Variants in OR56A3 observed in about 807,000 individuals in gnomAD.
OR56A3 encodes the protein olfactory receptor 56A3.
In OR56A3, 23 loss-of-function variants were observed where a neutral mutation model predicts 17.5. The ratio of observed to expected loss-of-function variants is 1.32; its 90% confidence interval spans 0.95 to 1.87. The LOEUF (loss-of-function observed/expected upper bound fraction) is 1.87, where lower values mean the gene tolerates loss of function less well. OR56A3 is among the 40% of genes most tolerant of loss of function. The pLI is 0.00. For missense variants in OR56A3, 366 were observed against 380.1 expected, an observed-to-expected ratio of 0.96 and a Z score of 0.31; for synonymous variants, 175 against 150.6, an observed-to-expected ratio of 1.16 and a Z score of -1.19.
At chr11:5,979,012 C>G in the OR56A3 span, among the ~76,000 whole-genome samples, 2 of 151,822 alleles carry the variant, frequency 1.3e-5, no homozygotes, top group Non-Finnish European at 1.5e-5. Context: ...AGATGAACCC[C>G]ATTTATTGAT....
the OR56A3 span, among the ~76,000 whole-genome samples, chr11:6,004,718 G>C: frequency 6.6e-6 from 1 of 152,168 alleles, no homozygotes; most frequent in African/African-American, 2.4e-5. Context: ...ATGACCCTCA[G>C]TGTGAATTTG....
chr11:6,014,851 A>G, the OR56A3 span, among the ~76,000 whole-genome samples: 2 of 152,070 alleles, frequency 1.3e-5, no homozygotes, highest in African/African-American at 4.8e-5. Flanking sequence ...ACACCTTGGC[A>G]AAGAGCTTTG....
chr11:5,985,799 G>T, the OR56A3 span: 1 of 730,876 alleles, frequency 1.4e-6, no homozygotes, highest in Non-Finnish European at 2.2e-6. Context: ...ATCTGTGGGT[G>T]TTCTTTAGCA....
chr11:5,994,805 T>C, the OR56A3 span: 1 of 754,350 alleles, frequency 1.3e-6, no homozygotes, highest in Non-Finnish European at 2.4e-6. Context: ...CTGGGGTCCC[T>C]TCCTCTCCAG....
rs746643175 is a variant in OR56A3, at chr11:5,947,979, A to G, written c.633A>G (p.Leu211=). ...AATTTGCTGGAGGCTGGACTCTGCT[A>G]GGATCTGACCTCATCCTTATCTTCC... The part of the protein sequence containing the change: ...LYQFAGGWTL[L]GSDLILIFLS... Residue 211 remains leucine (L), a synonymous_variant, in exon 3 of 3, where the codon CTA becomes CTG. Coordinates refer to ENST00000641160, the MANE Select transcript of OR56A3 (RefSeq NM_001003443.3). 1.2e-6 allele frequency: 2 copies of G among 1,614,204 alleles called. No individual in the cohort carries two copies. Among genetic ancestry groups the G allele is most frequent in the Admixed American group, 3.3e-5 (2 of 60,030 alleles).
At chr11:6,002,818 G>T in the OR56A3 span, 3 of 1,613,820 alleles carry the variant, frequency 1.9e-6, no homozygotes, top group South Asian at 3.3e-5. Flanking sequence ...AGGGGCTGGT[G>T]CAGAGAGGCC....
At chr11:5,964,946 T>G in the OR56A3 span, among the ~76,000 whole-genome samples, 1 of 152,220 alleles carries the variant, frequency 6.6e-6, no homozygotes. Context: ...CCTTCTTCAA[T>G]GTGTCTTTTC....
At chr11:5,991,495 A>C in the OR56A3 span, among the ~76,000 whole-genome samples, 1 of 152,240 alleles carries the variant, frequency 6.6e-6, no homozygotes, top group South Asian at 2.1e-4. Context: ...GGTAGAAGCC[A>C]GGAGGAGAAA....
the OR56A3 span, among the ~76,000 whole-genome samples, chr11:5,970,111 C>T: frequency 6.6e-6 from 1 of 152,014 alleles, no homozygotes; most frequent in Non-Finnish European, 1.5e-5. Flanking sequence ...GATCTGTAAA[C>T]TATCAAAATA....
At chr11:6,016,580 A>G in the OR56A3 span, among the ~76,000 whole-genome samples, 1 of 152,186 alleles carries the variant, frequency 6.6e-6, no homozygotes. Context: ...GCAGATACCA[A>G]TGTAAGGAAG....
At chr11:6,016,409 G>A in the OR56A3 span, among the ~76,000 whole-genome samples, 3 of 151,922 alleles carry the variant, frequency 2.0e-5, no homozygotes, top group African/African-American at 7.3e-5. Flanking sequence ...GATTACAACT[G>A]AAGAACTCCT....
chr11:5,982,146 G>A, the OR56A3 span, among the ~76,000 whole-genome samples: 1 of 152,166 alleles, frequency 6.6e-6, no homozygotes, highest in Non-Finnish European at 1.5e-5. Context: ...GTGTGTTCAG[G>A]CAGTGTCAGG....
the OR56A3 span, among the ~76,000 whole-genome samples, chr11:5,989,734 T>C: frequency 6.6e-6 from 1 of 152,200 alleles, no homozygotes; most frequent in Non-Finnish European, 1.5e-5. Context: ...CACTATACAA[T>C]TCATCCATGT....
At chr11:6,002,056 A>G in the OR56A3 span, 2 of 1,570,204 alleles carry the variant, frequency 1.3e-6, no homozygotes, top group African/African-American at 1.4e-5. Context: ...TATTCTTACA[A>G]CCTCTTCAGC....
At chr11:6,013,619 C>T in the OR56A3 span, among the ~76,000 whole-genome samples, 4 of 152,174 alleles carry the variant, frequency 2.6e-5, no homozygotes, top group Admixed American at 6.5e-5. Context: ...TAGGGATCAA[C>T]CCACTCTGTC....
the OR56A3 span, among the ~76,000 whole-genome samples, chr11:6,017,764 G>A: frequency 1.5e-3 from 230 of 152,294 alleles, no homozygotes; most frequent in Non-Finnish European, 2.5e-3. Flanking sequence ...CTTAAAAGAT[G>A]TAGACTGGCT....
At chr11:5,987,020 G>A in the OR56A3 span, 2 of 1,256,208 alleles carry the variant, frequency 1.6e-6, no homozygotes, top group Admixed American at 2.2e-5. Flanking sequence ...TGCAAACGAA[G>A]GGAATAAAGT....
chr11:5,967,613 A>C, the OR56A3 span: 1 of 1,613,902 alleles, frequency 6.2e-7, no homozygotes, highest in Non-Finnish European at 8.5e-7. Context: ...TCACACCATA[A>C]ACAATGGGGT....
the OR56A3 span, among the ~76,000 whole-genome samples, chr11:5,992,004 C>T: frequency 6.6e-5 from 10 of 152,214 alleles, no homozygotes; most frequent in East Asian, 1.5e-3. Context: ...CACCTAACCA[C>T]GTGGACCGTG....
Sources: gnomAD v4.1 joint callset for allele counts (sites outside exome capture counted in the v4.1 genomes callset) on GRCh38, gnomAD v4.1.1 for gene constraint, MANE v1.5 for transcripts, NCBI Gene and HGNC (gene_info 2026-07-23, HGNC 2026-07-21) for gene names.